LTF: variants seen among roughly 807,000 people sequenced by gnomAD.
LTF encodes epididymis luminal protein 110.
LTF carries 91 observed loss-of-function variants against 87.2 expected under a neutral mutation model. The observed-to-expected ratio is 1.04, with a 90% CI of 0.88 to 1.24. The LOEUF is 1.24. LTF is among the 50% of genes most tolerant of loss of function. The probability of loss-of-function intolerance (pLI) is 0.00; values close to 1 mark genes in which losing one functional copy is unlikely to be tolerated. For synonymous variants in LTF, 378 were observed against 356.1 expected, an observed-to-expected ratio of 1.06 and a Z score of -0.69; for missense variants, 901 against 904.3, an observed-to-expected ratio of 1.00 and a Z score of 0.05.
chr3:46,439,566 A>C, intron 14 of LTF, 86 bp from the exon 15 acceptor site: 5 of 1,174,644 alleles, frequency 4.3e-6, no homozygotes, highest in Non-Finnish European at 6.0e-6. Flanking sequence ...CATTCCACTG[A>C]CCTCCCAAAT....
intron 1 of LTF, among the ~76,000 whole-genome samples, chr3:46,482,480 AGAAGGAAGGGAAGGGAAGGGAAGGG>A (rs1703444817): frequency 8.6e-6 from 1 of 116,242 alleles, no homozygotes; most frequent in Non-Finnish European, 1.7e-5. Context: ...AAAAGAAAGG[AGAAGGAAGGGAAGGGAAGGGAAGGG>A]AAGGGAAGGG....
In LTF at chr3:46,450,500, C is replaced by G. The variant is rs1161859307; in HGVS notation, c.877G>C (p.Ala293Pro). ...AGGACCGTGGGTGAAGATACCTGTG[C>G]CTGGCGGAGAAGATTCCAGATGGCA... The part of the protein sequence containing the change: ...EDAIWNLLRQ[A>P]QEKFGKDKSP... Residue 293 changes from alanine (A) to proline (P), a missense_variant, in exon 7 of 17, where the codon GCA (alanine) becomes CCA (proline). By Grantham distance (27) the Ala-to-Pro change is conservative (BLOSUM62 -1). Coordinates refer to ENST00000231751, the MANE Select transcript of LTF (RefSeq NM_002343.6). 6.2e-7 allele frequency: 1 copy of G among 1,610,324 alleles called. No homozygotes were observed. The highest frequency in any genetic ancestry group is 8.5e-7 in the Non-Finnish European group (1 of 1,178,616).
chr3:46,446,469 T>C lies in LTF; in HGVS notation c.1328A>G (p.Asp443Gly). The C allele has an allele frequency of 6.2e-7, 1 of 1,614,026 alleles. No homozygotes were observed. The highest frequency in any genetic ancestry group is 8.5e-7 in the Non-Finnish European group (1 of 1,179,938). The change falls in exon 11 of 17, where the codon GAT becomes GGT. Residue 443 changes from aspartate to glycine, a missense_variant. By Grantham distance (94) the Asp-to-Gly change is moderately conservative (BLOSUM62 -1). Coordinates refer to ENST00000231751, the MANE Select transcript of LTF (RefSeq NM_002343.6). ...CACAGGTCTATCCACACAGTTAGGA[T>C]CAGGGTCACTGCTTTGTTGGGATTC... ...NYKSQQSSDP[D>G]PNCVDRPVEG...
chr3:46,468,307 G>C (rs770714359), upstream of LTF: 1 of 456,658 alleles, frequency 2.2e-6, no homozygotes, highest in Non-Finnish European at 4.4e-6. Flanking sequence ...AGTTGGGTCA[G>C]ATCTCAAAGA....
At chr3:46,462,497 T>C (rs1219121313) in intron 1 of LTF, among the ~76,000 whole-genome samples, 3 of 152,110 alleles carry the variant, frequency 2.0e-5, no homozygotes, top group Non-Finnish European at 4.4e-5. Context: ...ACCTAAGCAG[T>C]CAGGCACTAA....
At chr3:46,438,785 G>C (rs888397794) in intron 15 of LTF, among the ~76,000 whole-genome samples, 1 of 152,138 alleles carries the variant, frequency 6.6e-6, no homozygotes, top group Non-Finnish European at 1.5e-5. Flanking sequence ...AAAAATAGAA[G>C]TTCTAATAAA....
At chr3:46,466,023 G>A (rs534627593), upstream of LTF, among the ~76,000 whole-genome samples, 1 of 152,316 alleles carries the variant, frequency 6.6e-6, no homozygotes, top group Non-Finnish European at 1.5e-5. Flanking sequence ...AGGATCGCTT[G>A]AGCCCAGGAG....
In LTF at chr3:46,476,993, G is replaced by A. The variant is rs201435620; in HGVS notation, c.-319-6527C>T. 3.9e-5 allele frequency among the ~76,000 whole-genome samples: 6 copies of A among 152,314 alleles called. No homozygotes were observed. In the East Asian group the frequency reaches 9.6e-4, roughly 24 times the overall value. On this transcript the variant is annotated intron_variant, in intron 1 of 19. Coordinates refer to the LTF transcript ENST00000443496. ...GGGGTTATTACAATGGTGCTGAAGC[G>A]AACATATGTATTCTTTTCTGTTGGT... is the stretch of plus-strand genomic sequence containing the variant.
chr3:46,449,485 G>T (rs1702743490), intron 8 of LTF, among the ~76,000 whole-genome samples: 1 of 152,126 alleles, frequency 6.6e-6, no homozygotes, highest in Non-Finnish European at 1.5e-5. Flanking sequence ...CCATAGCTGA[G>T]TTCCCCCACC....
chr3:46,450,305 C>A (rs1265124109), intron 7 of LTF, among the ~76,000 whole-genome samples, 190 bp downstream of exon 7: 2 of 152,098 alleles, frequency 1.3e-5, no homozygotes, highest in African/African-American at 2.4e-5. Context: ...ACGCTGTCAG[C>A]CCGTGTGACA....
intron 1 of LTF, among the ~76,000 whole-genome samples, chr3:46,476,584 CACAA>C (rs1703361636): frequency 6.6e-6 from 1 of 152,196 alleles, no homozygotes; most frequent in Non-Finnish European, 1.5e-5. Context: ...ACAGCAGATG[CACAA>C]ATCATACATG....
intron 1 of LTF, among the ~76,000 whole-genome samples, chr3:46,476,207 A>G (rs920471383): frequency 6.6e-6 from 1 of 152,218 alleles, no homozygotes; most frequent in Non-Finnish European, 1.5e-5. Context: ...CTTTCCGTAC[A>G]ATGTTGAACA....
In LTF at chr3:46,447,364, C is replaced by A. The variant is rs1446339140; in HGVS notation, c.1247G>T (p.Gly416Val). 1 of 1,614,150 alleles carries A rather than the reference C, an allele frequency of 6.2e-7. No individual in the cohort carries two copies. The highest frequency in any genetic ancestry group is 1.7e-5 in the Admixed American group (1 of 60,030). Residue 416 changes from glycine (G) to valine (V), a missense_variant, in exon 10 of 17, where the codon GGA becomes GTA. Transcript: ENST00000231751. ...GEADAMSLDG[G>V]YVYTAGKCGL... ...ACATTTGCCTGCAGTGTACACATAT[C>A]CTCCATCCAAACTCATGGCATCAGC...
In LTF at chr3:46,459,678, A is replaced by T. The variant is rs141854619; in HGVS notation, c.185T>A (p.Ile62Asn). The T allele has an allele frequency of 1.7e-3, 2,601 of 1,545,192 alleles. 42 individuals are homozygous for T. In the African/African-American group the frequency reaches 0.031, roughly 19 times the overall value. Residue 62 changes from isoleucine to asparagine, a missense_variant, in exon 2 of 17, where the codon ATC becomes AAC. Ile to Asn is a moderately radical substitution (Grantham distance 149). Coordinates refer to ENST00000231751, the MANE Select transcript of LTF (RefSeq NM_002343.6). Reference sequence around the variant, plus strand: ...CACCGCAATGGCCTGGATACACTGGATGGGGGAGTCTCTCTTTATGCAGCT... The same window carrying T: ...CACCGCAATGGCCTGGATACACTGGTTGGGGGAGTCTCTCTTTATGCAGCT... The part of the protein sequence containing the change: ...PVSCIKRDSP[I>N]QCIQAIAENR...
At chr3:46,471,726 C>T (rs1210011408) in intron 1 of LTF, among the ~76,000 whole-genome samples, 1 of 152,218 alleles carries the variant, frequency 6.6e-6, no homozygotes, top group Non-Finnish European at 1.5e-5. Flanking sequence ...GAGGAGATTT[C>T]TCCATCACCC....
In LTF at chr3:46,435,865, C is replaced by A; in HGVS notation, c.*330G>T. The A allele has an allele frequency of 2.8e-6, 1 of 360,868 alleles. No homozygotes were observed. 22.4% of individuals were successfully genotyped at this position (360,868 alleles called of 1,614,324 possible). On this transcript the variant is annotated 3_prime_UTR_variant, in exon 17 of 17. Coordinates refer to ENST00000231751, the MANE Select transcript of LTF (RefSeq NM_002343.6). Reference sequence around the variant, plus strand: ...CTTGGCCTGGCCTTAAATTCCAGACCCTTGGGCATCATACCCAAGACTGCA... The same window carrying A: ...CTTGGCCTGGCCTTAAATTCCAGACACTTGGGCATCATACCCAAGACTGCA...
At chr3:46,464,935 T>G, upstream of LTF, 2 of 1,526,644 alleles carry the variant, frequency 1.3e-6, no homozygotes, top group Non-Finnish European at 1.8e-6. Flanking sequence ...CGCCCCTTTA[T>G]TCAGGGCTTT....
chr3:46,442,109 AC>A (rs1474566238), intron 13 of LTF, among the ~76,000 whole-genome samples: 1 of 152,096 alleles, frequency 6.6e-6, no homozygotes, highest in Admixed American at 6.6e-5. Flanking sequence ...TCCAGAGTAA[AC>A]AAAAAGTTTG....
At chr3:46,477,695 C>T (rs189454249) in intron 1 of LTF, among the ~76,000 whole-genome samples, 29 of 152,236 alleles carry the variant, frequency 1.9e-4, no homozygotes, top group East Asian at 5.8e-4. Flanking sequence ...ATTTTTTGAA[C>T]GAAGGAATGG....
Sources: allele counts gnomAD v4.1 joint callset (sites outside exome capture counted in the v4.1 genomes callset), GRCh38; gene constraint gnomAD v4.1.1; transcripts MANE v1.5; gene names NCBI Gene and HGNC (gene_info 2026-07-23, HGNC 2026-07-21).